Variants in JMJD1C observed in about 807,000 individuals in gnomAD.
JMJD1C encodes jumonji domain-containing protein 1C.
JMJD1C carries 31 observed loss-of-function variants against 245.3 expected under a neutral mutation model. That is an observed-to-expected ratio of 0.13 (90% CI 0.09 to 0.17). The LOEUF (loss-of-function observed/expected upper bound fraction) is 0.17, where lower values mean the gene tolerates loss of function less well. Among genes scored for constraint, JMJD1C ranks in the 10% least tolerant of loss-of-function variants. The pLI is 1.00. For synonymous variants in JMJD1C, 1,057 were observed against 1,017.4 expected (o/e 1.04, Z -0.74); for missense variants, 2,691 against 3,000.2 (o/e 0.90, Z 2.41).
chr10:63,437,447 T>C (rs1372117605), intron 1 of JMJD1C, among the ~76,000 whole-genome samples: 1 of 152,204 alleles, frequency 6.6e-6, no homozygotes, highest in African/African-American at 2.4e-5. Flanking sequence ...TCTCTTCTAT[T>C]ACTAGGGATT....
chr10:63,437,507 G>T lies in JMJD1C; in HGVS notation c.168+27988C>A, dbSNP rs548366528. ...AATTCTACTACTACCTAAAGACAGG[G>T]TTCTAGTAATTCCTCCTTAGTTGCA... On this transcript the variant is annotated intron_variant, in intron 1 of 25. Coordinates refer to ENST00000399262, the MANE Select transcript of JMJD1C (RefSeq NM_032776.3). 1.1e-4 allele frequency among the ~76,000 whole-genome samples: 16 copies of T among 152,250 alleles called. No individual in the cohort carries two copies. In the East Asian group the frequency reaches 3.1e-3, roughly 29 times the overall value.
intron 19 of JMJD1C, among the ~76,000 whole-genome samples, chr10:63,186,010 G>T (rs1844089563): frequency 6.6e-6 from 1 of 152,116 alleles, no homozygotes; most frequent in Admixed American, 6.5e-5. Flanking sequence ...AAGCAAAACA[G>T]TATAAACGGC....
chr10:63,223,756 TG>T (rs1465212383), intron 3 of JMJD1C, among the ~76,000 whole-genome samples: 4 of 151,544 alleles, frequency 2.6e-5, no homozygotes, highest in African/African-American at 9.8e-5. Flanking sequence ...AAATATTTTT[TG>T]TTTTGTTTTG....
At chr10:63,468,653 A>C (rs374606657), upstream of JMJD1C, among the ~76,000 whole-genome samples, 1 of 152,186 alleles carries the variant, frequency 6.6e-6, no homozygotes, top group Admixed American at 6.5e-5. Flanking sequence ...TAGACATATA[A>C]ATTAGATTTT....
At chr10:63,482,335 G>A (rs993709059) in intron 1 of JMJD1C, among the ~76,000 whole-genome samples, 18 of 152,110 alleles carry the variant, frequency 1.2e-4, no homozygotes, top group African/African-American at 3.6e-4. Flanking sequence ...TAATAATATT[G>A]TGGTTAAGAC....
chr10:63,488,163 A>G (rs1954057425), intron 1 of JMJD1C, among the ~76,000 whole-genome samples: 2 of 152,186 alleles, frequency 1.3e-5, no homozygotes, highest in South Asian at 2.1e-4. Flanking sequence ...GTTTGCACAC[A>G]AAGTACACAC....
chr10:63,457,368 A>C (rs1952480295), intron 1 of JMJD1C, among the ~76,000 whole-genome samples: 2 of 152,204 alleles, frequency 1.3e-5, no homozygotes, highest in African/African-American at 2.4e-5. Context: ...TACTTTAAAC[A>C]CTATTTCAAA....
intron 2 of JMJD1C, among the ~76,000 whole-genome samples, chr10:63,370,017 T>A (rs1946169789): frequency 6.6e-6 from 1 of 152,188 alleles, no homozygotes; most frequent in South Asian, 2.1e-4. Flanking sequence ...AGTATGTGAT[T>A]TTGAGCCCCA....
At chr10:63,446,888 T>C (rs1335179721) in intron 1 of JMJD1C, among the ~76,000 whole-genome samples, 1 of 152,138 alleles carries the variant, frequency 6.6e-6, no homozygotes, top group Non-Finnish European at 1.5e-5. Flanking sequence ...TACCAAGCAC[T>C]TTACAAGCCA....
intron 16 of JMJD1C, among the ~76,000 whole-genome samples, chr10:63,191,674 G>A (rs944192060): frequency 5.9e-5 from 9 of 151,926 alleles, no homozygotes; most frequent in African/African-American, 1.9e-4. Context: ...AAACACTACA[G>A]CAAAGACAGG....
intron 1 of JMJD1C, among the ~76,000 whole-genome samples, chr10:63,428,402 A>G (rs552811258): frequency 6.6e-6 from 1 of 152,346 alleles, no homozygotes; most frequent in Non-Finnish European, 1.5e-5. Context: ...ATTACAAAAG[A>G]CTCATTCATT....
At chr10:63,263,932 G>A (rs1389043895) in intron 3 of JMJD1C, among the ~76,000 whole-genome samples, 15 of 93,158 alleles carry the variant, frequency 1.6e-4, no homozygotes, top group Admixed American at 4.6e-4. Context: ...ACTCCATCAC[G>A]GAAAAAAAAA....
At chr10:63,445,044 T>C (rs1033011610) in intron 1 of JMJD1C, among the ~76,000 whole-genome samples, 10 of 151,918 alleles carry the variant, frequency 6.6e-5, no homozygotes, top group African/African-American at 9.7e-5. Flanking sequence ...CTGGGCAACA[T>C]AGTGATACCC....
chr10:63,313,112 C>G (rs550935544), intron 2 of JMJD1C, among the ~76,000 whole-genome samples: 7 of 152,254 alleles, frequency 4.6e-5, no homozygotes, highest in African/African-American at 1.4e-4. Flanking sequence ...ACCATTTCCC[C>G]CGCAAGGCCC....
In JMJD1C at chr10:63,214,329, A is replaced by T; in HGVS notation, c.1838T>A (p.Leu613Gln). 6.2e-7 allele frequency: 1 copy of T among 1,614,090 alleles called. No individual in the cohort carries two copies. The highest frequency in any genetic ancestry group is 8.5e-7 in the Non-Finnish European group (1 of 1,179,968). Residue 613 changes from leucine to glutamine, a missense_variant, in exon 8 of 26, where the codon CTG becomes CAG. Transcript: ENST00000399262. ...CTCTGGAGGTGGACTTCGCTTATGC[A>T]GCTTATCTTCCATGACAGAAACTGC... ...LSAVSVMEDKLHKRSPPPETI... is the reference protein window; with the variant it reads ...LSAVSVMEDKQHKRSPPPETI...
intron 1 of JMJD1C, among the ~76,000 whole-genome samples, chr10:63,446,022 C>T (rs989986440): frequency 2.0e-5 from 3 of 151,614 alleles, no homozygotes; most frequent in East Asian, 1.9e-4. Flanking sequence ...TCTACAGGTG[C>T]GTGCCACCAC....
chr10:63,208,702 A>G lies in JMJD1C; in HGVS notation c.2967T>C (p.Asp989=). 1 of 1,614,078 alleles carries G rather than the reference A, an allele frequency of 6.2e-7. No homozygotes were observed. Among genetic ancestry groups the G allele is most frequent in the Non-Finnish European group, 8.5e-7 (1 of 1,179,960 alleles). Residue 989 remains aspartate (D), a synonymous_variant, in exon 10 of 26, where the codon GAT becomes GAC. Transcript: ENST00000399262. ...LDLNRSQTGK[D]CHLHRHFVDP... The stretch of plus-strand genomic sequence containing the variant: ...CCACAAAATGCCTATGTAAGTGACA[A>G]TCTTTTCCAGTCTGTGACCTATTTA...
chr10:63,256,861 A>G (rs552211656), intron 3 of JMJD1C, among the ~76,000 whole-genome samples: 2 of 152,350 alleles, frequency 1.3e-5, no homozygotes, highest in South Asian at 4.1e-4. Flanking sequence ...GAAATGGAAA[A>G]GGGAGATGCA....
chr10:63,293,859 T>A (rs1392472565), intron 2 of JMJD1C, among the ~76,000 whole-genome samples: 4 of 152,212 alleles, frequency 2.6e-5, no homozygotes, highest in Non-Finnish European at 1.5e-5. Flanking sequence ...GGCTCAAGAT[T>A]AAGCCAATCA....
Sources: allele counts gnomAD v4.1 joint callset (sites outside exome capture counted in the v4.1 genomes callset), GRCh38; gene constraint gnomAD v4.1.1; transcripts MANE v1.5; gene names NCBI Gene and HGNC (gene_info 2026-07-23, HGNC 2026-07-21).